NDUFA12: variants seen among roughly 807,000 people sequenced by gnomAD.
NDUFA12 encodes NADH:ubiquinone oxidoreductase subunit A12, also known as NADH dehydrogenase [ubiquinone] 1 alpha subcomplex subunit 12.
Under a neutral mutation model 20.3 loss-of-function variants are expected in NDUFA12, and 17 were observed. That is an observed-to-expected ratio of 0.84 (90% CI 0.57 to 1.26). The LOEUF (loss-of-function observed/expected upper bound fraction) is 1.26, where lower values mean the gene tolerates loss of function less well. Among genes scored for constraint, NDUFA12 ranks in the 50% most tolerant of loss-of-function variants. The pLI, the probability that NDUFA12 is intolerant of heterozygous loss-of-function variation, is 0.00. For missense variants in NDUFA12, 191 were observed against 183.7 expected (o/e 1.04, Z -0.23); for synonymous variants, 72 against 63.6 (o/e 1.13, Z -0.63).
intron 3 of NDUFA12, among the ~76,000 whole-genome samples, chr12:94,978,117 C>T (rs904715089): frequency 6.6e-6 from 1 of 152,204 alleles, no homozygotes; most frequent in African/African-American, 2.4e-5. Context: ...GATCACATAA[C>T]GCCTCGCAGA....
chr12:94,994,383 G>T, intron 2 of NDUFA12, 126 bp from the exon 3 acceptor site: 2 of 714,412 alleles, frequency 2.8e-6, no homozygotes, highest in Non-Finnish European at 4.7e-6. Context: ...GAGAGCTATT[G>T]GAGGAATAAC....
chr12:95,002,437 C>CAAAAA (rs71075895), intron 2 of NDUFA12, among the ~76,000 whole-genome samples: 60 of 63,582 alleles, frequency 9.4e-4, no homozygotes, highest in Non-Finnish European at 1.1e-3. Context: ...GACTCCATCT[C>CAAAAA]AAAAAAAAAA....
intron 3 of NDUFA12, among the ~76,000 whole-genome samples, chr12:94,993,952 CA>C (rs1214127968): frequency 1.3e-5 from 2 of 151,348 alleles, no homozygotes; most frequent in Non-Finnish European, 1.5e-5. Flanking sequence ...AACAAACAAA[CA>C]AATTTAAAAA....
intron 2 of NDUFA12, among the ~76,000 whole-genome samples, chr12:94,997,867 C>T (rs747546074): frequency 1.3e-5 from 2 of 152,072 alleles, no homozygotes; most frequent in Non-Finnish European, 2.9e-5. Context: ...TATTATGTGC[C>T]AAGCATTAGG....
intron 3 of NDUFA12, among the ~76,000 whole-genome samples, chr12:94,984,369 T>TC (rs971356605): frequency 7.2e-5 from 11 of 152,050 alleles, no homozygotes; most frequent in Admixed American, 6.5e-4. Context: ...ATGCCTGTAA[T>TC]CCCAGCACTT....
intron 2 of NDUFA12, chr12:94,997,343 G>C (rs2136071782): frequency 6.6e-6 from 1 of 152,484 alleles, no homozygotes; most frequent in South Asian, 2.1e-4. Flanking sequence ...GAGGAGCACA[G>C]AAGTGCTTAT....
chr12:94,990,527 A>G (rs1874604547), intron 3 of NDUFA12, among the ~76,000 whole-genome samples: 1 of 152,112 alleles, frequency 6.6e-6, no homozygotes, highest in Non-Finnish European at 1.5e-5. Flanking sequence ...GGCTGAAGGG[A>G]TCCTCCCACC....
At position 94,971,416 on chromosome 12, in the gene NDUFA12, T is replaced by C. The variant is rs199640625; in HGVS notation, c.*24A>G. On this transcript the variant is annotated 3_prime_UTR_variant, in exon 4 of 4. Transcript: ENST00000327772. ...TACATGAAAAGCTCCATATTTTGCA[T>C]GTTTCAACTGTTCTTCATTGTCTTT... 118 of 1,608,820 alleles carry C rather than the reference T, an allele frequency of 7.3e-5. No individual in the cohort carries two copies. The African/African-American group carries it at 1.4e-3, about 19-fold the overall frequency.
intron 2 of NDUFA12, among the ~76,000 whole-genome samples, chr12:94,997,685 G>A (rs1412565978): frequency 6.6e-6 from 1 of 152,026 alleles, no homozygotes; most frequent in African/African-American, 2.4e-5. Context: ...GCTCATTAGA[G>A]CATTTCAGAT....
At chr12:94,996,819 C>CAAAA (rs10654978) in intron 2 of NDUFA12, 78 of 153,360 alleles carry the variant, frequency 5.1e-4, no homozygotes, top group South Asian at 1.6e-3. Context: ...AACTCTGTCT[C>CAAAA]AAAAAAAAAA....
In NDUFA12 at chr12:95,003,568, G is replaced by A. The variant is rs779199094; in HGVS notation, c.86+27C>T. 9 of 1,611,496 alleles carry A rather than the reference G, an allele frequency of 5.6e-6. No individual in the cohort carries two copies. The East Asian group carries it at 1.6e-4, about 28-fold the overall frequency. On this transcript the variant is annotated intron_variant, in intron 1 of 3. Coordinates refer to ENST00000327772, the MANE Select transcript of NDUFA12 (RefSeq NM_018838.5). ...AGCCAGCGAAAGTCCAGCCCCAGAG[G>A]CCAAGAGCATGGCTCTGGCCGCCTA...
At chr12:94,998,486 T>C (rs969668838) in intron 2 of NDUFA12, among the ~76,000 whole-genome samples, 1 of 152,124 alleles carries the variant, frequency 6.6e-6, no homozygotes, top group African/African-American at 2.4e-5. Flanking sequence ...GCCAGAGCAA[T>C]TGGATAAAGG....
At chr12:95,001,042 T>G (rs1239160008) in intron 2 of NDUFA12, among the ~76,000 whole-genome samples, 1 of 152,206 alleles carries the variant, frequency 6.6e-6, no homozygotes, top group East Asian at 1.9e-4. Context: ...CGGTGGCTCA[T>G]GCCCGTGATC....
intron 3 of NDUFA12, among the ~76,000 whole-genome samples, chr12:94,985,647 A>AAG (rs59520700): frequency 6.6e-6 from 1 of 150,756 alleles, no homozygotes; most frequent in Non-Finnish European, 1.5e-5. Context: ...AAAAAAAAAA[A>AAG]GCGGTTGGCA....
chr12:94,998,157 T>C (rs1369687032), intron 2 of NDUFA12, among the ~76,000 whole-genome samples: 1 of 152,162 alleles, frequency 6.6e-6, no homozygotes, highest in Non-Finnish European at 1.5e-5. Flanking sequence ...GGTTGAATAC[T>C]AGGGATGCAG....
At chr12:94,994,147 A>C (rs1399998338) in intron 3 of NDUFA12, 23 bp downstream of exon 3, 2 of 1,607,416 alleles carry the variant, frequency 1.2e-6, no homozygotes, top group African/African-American at 2.7e-5. Context: ...AAGAAAGACA[A>C]ATAAAATGTT....
chr12:94,997,909 C>T (rs1303237748), intron 2 of NDUFA12, among the ~76,000 whole-genome samples: 1 of 152,054 alleles, frequency 6.6e-6, no homozygotes, highest in Non-Finnish European at 1.5e-5. Context: ...AAATTTTGCC[C>T]CCAAGGGGAC....
At position 95,003,018 on chromosome 12, in the gene NDUFA12, C is replaced by T. The variant is rs140479712; in HGVS notation, c.87-197G>A. The stretch of plus-strand genomic sequence containing the variant: ...TACACTAAAAATATAAATGTAGTCT[C>T]TTCAGATTACAGGACTACTTGTATC... On this transcript the variant is annotated intron_variant, in intron 1 of 3. Transcript: ENST00000327772. Among the ~76,000 whole-genome samples, 774 of 152,348 alleles carry T rather than the reference C, an allele frequency of 5.1e-3. 8 individuals are homozygous for T. Among genetic ancestry groups the T allele is most frequent in the African/African-American group, 0.017 (723 of 41,576 alleles).
At chr12:94,997,968 C>T (rs1488006039) in intron 2 of NDUFA12, among the ~76,000 whole-genome samples, 1 of 152,176 alleles carries the variant, frequency 6.6e-6, no homozygotes, top group Non-Finnish European at 1.5e-5. Context: ...AGTGCTGCTG[C>T]TGCTGGTCAT....
Sources: allele counts gnomAD v4.1 joint callset (sites outside exome capture counted in the v4.1 genomes callset), GRCh38; gene constraint gnomAD v4.1.1; transcripts MANE v1.5; gene names NCBI Gene and HGNC (gene_info 2026-07-23, HGNC 2026-07-21).